MICAL1: variants seen among roughly 807,000 people sequenced by gnomAD.
MICAL1 encodes the protein microtubule associated monooxygenase, calponin and LIM domain containing 1.
Under a neutral mutation model 131.8 loss-of-function variants are expected in MICAL1, and 95 were observed. That is an observed-to-expected ratio of 0.72 (90% CI 0.61 to 0.86). MICAL1 has a LOEUF of 0.86. Ranked by LOEUF, MICAL1 falls within the 40% of genes least tolerant of loss-of-function variation. MICAL1 has a pLI of 0.00. For missense variants in MICAL1, 1,292 were observed against 1,380.6 expected, an observed-to-expected ratio of 0.94 and a Z score of 1.02; for synonymous variants, 546 against 554.2, an observed-to-expected ratio of 0.99 and a Z score of 0.21.
rs978150097 is a variant in MICAL1, at chr6:109,447,115, C to T, written c.2185G>A (p.Ala729Thr). 4 of 1,614,052 alleles carry T rather than the reference C, an allele frequency of 2.5e-6. No individual in the cohort carries two copies. Among genetic ancestry groups the T allele is most frequent in the African/African-American group, 1.3e-5 (1 of 74,932 alleles). Residue 729 changes from alanine (A) to threonine (T), a missense_variant, in exon 17 of 25, where the codon GCC becomes ACC. Coordinates refer to ENST00000358807, the MANE Select transcript of MICAL1 (RefSeq NM_022765.4). Reference sequence around the variant, plus strand: ...TCGTAGCCACCTGGCCACAGTGTGGCCTCACAGGTATGGCAGCGGAAGCAG... The same window carrying T: ...TCGTAGCCACCTGGCCACAGTGTGGTCTCACAGGTATGGCAGCGGAAGCAG... ...RSCFRCHTCEATLWPGGYEQH... is the reference protein window; with the variant it reads ...RSCFRCHTCETTLWPGGYEQH...
At chr6:109,451,936 C>G (rs1775560789) in intron 6 of MICAL1, 1 of 1,390,580 alleles carries the variant, frequency 7.2e-7, no homozygotes, top group South Asian at 1.6e-5. Flanking sequence ...TTTGGGAGAC[C>G]TGCACCACCT....
Position 109,448,725 on chromosome 6 carries a change from G to A in MICAL1, c.1664+7C>T, listed in dbSNP as rs369728415. ...ATGAGAGAGAGGTGGGTCTGCCAGG[G>A]ACTCACAGCAGGCCAGGCTGCAGCC... On this transcript the variant is annotated splice_region_variant and intron_variant, in intron 12 of 24. Transcript: ENST00000358807. 6.2e-7 allele frequency: 1 copy of A among 1,613,730 alleles called. No homozygotes were observed. Among genetic ancestry groups the A allele is most frequent in the Non-Finnish European group, 8.5e-7 (1 of 1,179,864 alleles).
chr6:109,448,530 G>A lies in MICAL1; in HGVS notation c.1665-137C>T, dbSNP rs1022000528. 6 of 1,251,066 alleles carry A rather than the reference G, an allele frequency of 4.8e-6. No homozygotes were observed. In the African/African-American group the frequency reaches 8.8e-5, roughly 18 times the overall value. 77.5% of individuals were successfully genotyped at this position (1,251,066 alleles called of 1,614,324 possible). ...GCTTGAAGGTAGGTGTGTAGTCTCT[G>A]CTACCCAGTGCCCAACCCAGTGACA... On this transcript the variant is annotated intron_variant, in intron 12 of 24. Coordinates refer to ENST00000358807, the MANE Select transcript of MICAL1 (RefSeq NM_022765.4).
chr6:109,446,454 C>A (rs1428642019), intron 18 of MICAL1, 42 bp from the exon 19 acceptor site: 1 of 623,980 alleles, frequency 1.6e-6, no homozygotes, highest in African/African-American at 5.6e-5. Context: ...GGGGTGAGGC[C>A]ACCCCTTCGG....
Position 109,444,934 on chromosome 6 carries a change from T to C in MICAL1, c.2943A>G (p.Lys981=). 1.9e-6 allele frequency: 3 copies of C among 1,614,150 alleles called. No individual in the cohort carries two copies. The highest frequency in any genetic ancestry group is 2.5e-6 in the Non-Finnish European group (3 of 1,180,022). The change falls in exon 23 of 25, where the codon AAA becomes AAG. Residue 981 remains lysine, a synonymous_variant. Transcript: ENST00000358807. ...VGQLLQLVDK[K]NSLVAEEAEL... ...CGGCCTCCTCAGCCACCAGGCTGTT[T>C]TTCTTGTCAACGAGCTGTAGCAGCT...
At chr6:109,463,374 C>T (rs1775950208) in intron 1 of MICAL1, 2 of 152,206 alleles carry the variant, frequency 1.3e-5, no homozygotes, top group African/African-American at 4.8e-5. Flanking sequence ...CCTTGTTTCT[C>T]TTTGACAGCT....
chr6:109,456,470 T>C (rs994535184), upstream of MICAL1, among the ~76,000 whole-genome samples: 1 of 147,922 alleles, frequency 6.8e-6, no homozygotes, highest in Non-Finnish European at 1.5e-5. Context: ...CTCAGCAATC[T>C]GCAGCTTCCA....
Position 109,448,240 on chromosome 6 carries a change from G to T in MICAL1, c.1818C>A (p.His606Gln). ...DPLGLIAYLS[H>Q]FHSAFKSMAH... The stretch of plus-strand genomic sequence containing the variant: ...CCATGCTCTTGAAGGCACTGTGGAA[G>T]TGGCTGAGGTAGGCAATGAGGCCCA... Residue 606 changes from histidine to glutamine, a missense_variant, in exon 13 of 25, where the codon CAC becomes CAA. Transcript: ENST00000358807. The T allele has an allele frequency of 6.2e-7, 1 of 1,613,558 alleles. No homozygotes were observed.
In MICAL1 at chr6:109,445,146, GAGCTGAACAC is replaced by G. The variant is rs1298330691; in HGVS notation, c.2881+41_2881+50del. On this transcript the variant is annotated intron_variant, in intron 22 of 24. Coordinates refer to ENST00000358807, the MANE Select transcript of MICAL1 (RefSeq NM_022765.4). ...TGGGACTCCTACGGGCTGGAGCGTG[GAGCTGAACAC>G]AGTGCTAGAAGGCAGAGGGGTGTCC... is the stretch of plus-strand genomic sequence containing the variant. 3.7e-6 allele frequency: 6 copies of G among 1,604,978 alleles called. No individual in the cohort carries two copies. In the East Asian group the frequency reaches 1.3e-4, roughly 36 times the overall value.
At chr6:109,445,934 T>C in intron 19 of MICAL1, 72 bp from the exon 20 acceptor site, 3 of 1,548,976 alleles carry the variant, frequency 1.9e-6, no homozygotes, top group Admixed American at 2.0e-5. Context: ...AGCATGGTGG[T>C]GACGGAGGCC....
rs747910392 is a variant in MICAL1, at chr6:109,445,472, G to A, written c.2731C>T (p.Arg911Trp). 1.7e-5 allele frequency: 28 copies of A among 1,613,954 alleles called. No homozygotes were observed. Among genetic ancestry groups the A allele is most frequent in the South Asian group, 4.4e-5 (4 of 91,062 alleles). Residue 911 changes from arginine to tryptophan, a missense_variant, in exon 21 of 25, where the codon CGG becomes TGG. Transcript: ENST00000358807. ...GTMNNYPTWRRTLLRRAKEEE... is the reference protein window; with the variant it reads ...GTMNNYPTWRWTLLRRAKEEE... ...TCCTTCGCACGGCGCAGCAGAGTCC[G>A]ACGCCATGTTGGGTAGTTATTCATG...
In MICAL1 at chr6:109,446,785, G is replaced by T; in HGVS notation, c.2228-13C>A. 1 of 1,611,066 alleles carries T rather than the reference G, an allele frequency of 6.2e-7. No homozygotes were observed. Among genetic ancestry groups the T allele is most frequent in the South Asian group, 1.1e-5 (1 of 90,558 alleles). On this transcript the variant is annotated splice_polypyrimidine_tract_variant and intron_variant, in intron 17 of 24. Transcript: ENST00000358807. ...CAGTAGAAATGTCCTGGAAAGGGTA[G>T]AGAGGGGAGGAGGCATTTGGTGTGG...
In MICAL1 at chr6:109,448,303, C is replaced by G. The variant is rs748423593; in HGVS notation, c.1755G>C (p.Val585=). ...CTGCTACCACGGCCTGTGCAGACAC[C>G]ACCGGTGTGATGCCCAGCTCATTCT... ...VAENELGITP[V]VSAQAVVAGS... The change falls in exon 13 of 25, where the codon GTG becomes GTC. Residue 585 remains valine, a synonymous_variant. Transcript: ENST00000358807. The G allele has an allele frequency of 2.5e-6, 4 of 1,614,016 alleles. No homozygotes were observed. The East Asian group carries it at 8.9e-5, about 36-fold the overall frequency.
upstream of MICAL1, among the ~76,000 whole-genome samples, chr6:109,459,094 C>T (rs1775830039): frequency 6.6e-6 from 1 of 152,086 alleles, no homozygotes; most frequent in Admixed American, 6.6e-5. Flanking sequence ...CACCAAGGAA[C>T]CACGTGACGA....
Position 109,454,241 on chromosome 6 carries a change from T to C in MICAL1, c.-43-2A>G. 6 of 1,550,386 alleles carry C rather than the reference T, an allele frequency of 3.9e-6. No individual in the cohort carries two copies. Among genetic ancestry groups the C allele is most frequent in the Non-Finnish European group, 4.4e-6 (5 of 1,147,796 alleles). On this transcript the variant is annotated splice_acceptor_variant, in intron 1 of 24. Coordinates refer to ENST00000358807, the MANE Select transcript of MICAL1 (RefSeq NM_022765.4). LOFTEE classifies it low-confidence loss of function (5UTR_SPLICE). ...CAGCAGCTGGGCAGAGATGAGTGGC[T>C]GGAGAGGTGGAAAAAGAAGGGGAAG...
rs767033604 is a variant in MICAL1 at position 109,465,653 on chromosome 6, C to T, written c.14+11G>A. 3 of 1,563,034 alleles carry T rather than the reference C, an allele frequency of 1.9e-6. No individual in the cohort carries two copies. In the South Asian group the frequency reaches 3.4e-5, roughly 18 times the overall value. ...TTCAATAATATTGAAATGCTCAATACAAATCAGTACCTTAGACAAGACATA... is the reference window on the plus strand; with the variant it reads ...TTCAATAATATTGAAATGCTCAATATAAATCAGTACCTTAGACAAGACATA... On this transcript the variant is annotated intron_variant, in intron 1 of 24. Transcript: ENST00000630715.
At chr6:109,465,652 A>G in intron 1 of MICAL1, 2 of 1,561,918 alleles carry the variant, frequency 1.3e-6, no homozygotes, top group Non-Finnish European at 1.7e-6. Context: ...AATGCTCAAT[A>G]CAAATCAGTA....
chr6:109,444,836 AG>A, intron 23 of MICAL1, 38 bp from the exon 24 acceptor site: 1 of 1,614,094 alleles, frequency 6.2e-7, no homozygotes, highest in Non-Finnish European at 8.5e-7. Context: ...GAGCTGTCTA[AG>A]GTGCCCAAGG....
intron 4 of MICAL1, 117 bp downstream of exon 4, chr6:109,453,146 C>G (rs958512231): frequency 9.0e-6 from 7 of 774,788 alleles, no homozygotes; most frequent in African/African-American, 8.6e-5. Flanking sequence ...GGTGACAGAA[C>G]GAGACTCTGT....
Sources: gnomAD v4.1 joint callset for allele counts (sites outside exome capture counted in the v4.1 genomes callset) on GRCh38, gnomAD v4.1.1 for gene constraint, MANE v1.5 for transcripts, NCBI Gene and HGNC (gene_info 2026-07-23, HGNC 2026-07-21) for gene names.